Variants in COL25A1 observed in about 807,000 individuals in gnomAD.
The protein encoded by COL25A1 is collagen alpha-1(XXV) chain.
Under a neutral mutation model 128.4 loss-of-function variants are expected in COL25A1, and 103 were observed. The observed-to-expected ratio is 0.80, with a 90% CI of 0.68 to 0.94. The LOEUF (loss-of-function observed/expected upper bound fraction) is 0.94, where lower values mean the gene tolerates loss of function less well. Among genes scored for constraint, COL25A1 ranks in the 40% least tolerant of loss-of-function variants. The pLI is 0.00. For missense variants in COL25A1, 745 were observed against 840.0 expected (o/e 0.89, Z 1.40); for synonymous variants, 279 against 277.2 (o/e 1.01, Z -0.06).
intron 31 of COL25A1, among the ~76,000 whole-genome samples, chr4:108,835,787 C>T (rs905649534): frequency 1.3e-5 from 2 of 150,854 alleles, no homozygotes; most frequent in Non-Finnish European, 1.5e-5. Flanking sequence ...TCCTGATCTC[C>T]ACTGATCACT....
At chr4:109,113,053 T>C (rs1464644373) in intron 3 of COL25A1, among the ~76,000 whole-genome samples, 3 of 152,118 alleles carry the variant, frequency 2.0e-5, no homozygotes, top group African/African-American at 7.2e-5. Context: ...AGTTCTTCAA[T>C]TTCTTTGATA....
intron 26 of COL25A1, among the ~76,000 whole-genome samples, chr4:108,849,051 G>T (rs1735449803): frequency 6.6e-6 from 1 of 152,030 alleles, no homozygotes; most frequent in Non-Finnish European, 1.5e-5. Context: ...CTCCATGTGA[G>T]ATGCAGGCTA....
intron 3 of COL25A1, among the ~76,000 whole-genome samples, chr4:109,150,089 GTA>G (rs1478384287): frequency 2.6e-5 from 4 of 151,640 alleles, no homozygotes; most frequent in East Asian, 1.9e-4. Flanking sequence ...TTGTATGTCT[GTA>G]TGTGTGTGTG....
chr4:108,821,000 C>G (rs919420580), intron 35 of COL25A1, among the ~76,000 whole-genome samples: 3 of 152,122 alleles, frequency 2.0e-5, no homozygotes, highest in African/African-American at 7.2e-5. Context: ...ACTCAAAATA[C>G]TATACAATAC....
intron 8 of COL25A1, among the ~76,000 whole-genome samples, chr4:108,949,448 C>A (rs932010704): frequency 2.6e-5 from 4 of 152,056 alleles, no homozygotes; most frequent in Admixed American, 1.3e-4. Context: ...TCTTGCCCAC[C>A]CAATTGTAAG....
intron 3 of COL25A1, among the ~76,000 whole-genome samples, chr4:109,187,268 G>C (rs566957611): frequency 2.0e-5 from 3 of 150,548 alleles, no homozygotes; most frequent in Admixed American, 2.0e-4. Context: ...GACTTCTCCA[G>C]GTTTCTTTAC....
intron 3 of COL25A1, among the ~76,000 whole-genome samples, chr4:109,143,197 G>T (rs533421615): frequency 1.3e-5 from 2 of 152,308 alleles, no homozygotes; most frequent in South Asian, 2.1e-4. Context: ...ATTCTGGGTT[G>T]AAAATTCTTT....
chr4:109,041,578 G>A (rs1759900237), intron 5 of COL25A1, among the ~76,000 whole-genome samples: 1 of 152,064 alleles, frequency 6.6e-6, no homozygotes, highest in Admixed American at 6.5e-5. Flanking sequence ...TTAGGGCAGT[G>A]GAGACTGGCT....
intron 3 of COL25A1, among the ~76,000 whole-genome samples, chr4:109,165,878 G>C (rs1446841666): frequency 6.6e-6 from 1 of 152,138 alleles, no homozygotes; most frequent in East Asian, 1.9e-4. Flanking sequence ...AAGAAGGCTT[G>C]TACATAAACA....
intron 16 of COL25A1, 55 bp downstream of exon 16, chr4:108,896,612 T>C: frequency 3.4e-6 from 5 of 1,470,028 alleles, no homozygotes; most frequent in Non-Finnish European, 4.8e-6. Context: ...CTTCATAAAC[T>C]TGAAGTATAT....
At chr4:109,089,571 C>G (rs908026617) in intron 3 of COL25A1, among the ~76,000 whole-genome samples, 2 of 152,112 alleles carry the variant, frequency 1.3e-5, no homozygotes, top group African/African-American at 4.8e-5. Context: ...GCATATAGGA[C>G]AGTTACATCT....
At chr4:109,183,065 C>T (rs1774814910) in intron 3 of COL25A1, among the ~76,000 whole-genome samples, 1 of 152,122 alleles carries the variant, frequency 6.6e-6, no homozygotes, top group Admixed American at 6.6e-5. Flanking sequence ...AGCCTAGTTA[C>T]TTTAGTTACA....
chr4:109,251,872 A>G (rs760137144), intron 3 of COL25A1, among the ~76,000 whole-genome samples: 15 of 152,218 alleles, frequency 9.9e-5, no homozygotes, highest in Non-Finnish European at 2.2e-4. Context: ...GAGGATATAC[A>G]GTCTTTTAGG....
intron 3 of COL25A1, among the ~76,000 whole-genome samples, chr4:109,259,205 G>A (rs1382367153): frequency 6.6e-6 from 1 of 152,100 alleles, no homozygotes; most frequent in East Asian, 1.9e-4. Flanking sequence ...TCCCTCACAT[G>A]CAAGTAGTTT....
At chr4:109,015,093 GGA>G (rs1361823371) in intron 5 of COL25A1, among the ~76,000 whole-genome samples, 1 of 152,228 alleles carries the variant, frequency 6.6e-6, no homozygotes, top group Non-Finnish European at 1.5e-5. Flanking sequence ...GCTCTGAGCA[GGA>G]GCCATGGAAT....
chr4:109,050,545 T>C (rs1760890361), intron 3 of COL25A1, among the ~76,000 whole-genome samples: 1 of 152,172 alleles, frequency 6.6e-6, no homozygotes, highest in African/African-American at 2.4e-5. Flanking sequence ...ATTAAAGTAC[T>C]AATTAATAAT....
intron 3 of COL25A1, among the ~76,000 whole-genome samples, chr4:109,241,641 A>AT (rs397783993): frequency 6.6e-6 from 1 of 151,362 alleles, no homozygotes; most frequent in Non-Finnish European, 1.5e-5. Flanking sequence ...AAAAAAAAAA[A>AT]TTGCTTGAGG....
chr4:108,907,332 G>T (rs774006277), intron 13 of COL25A1, among the ~76,000 whole-genome samples: 4 of 152,168 alleles, frequency 2.6e-5, no homozygotes, highest in Non-Finnish European at 4.4e-5. Flanking sequence ...AGAGCCTGGG[G>T]CATTGCCGAC....
chr4:109,158,274 C>T (rs900997685), intron 3 of COL25A1, among the ~76,000 whole-genome samples: 1 of 151,156 alleles, frequency 6.6e-6, no homozygotes, highest in Admixed American at 6.6e-5. Flanking sequence ...TAATGTTTAC[C>T]AATCTGTGTG....
Sources: gnomAD v4.1 joint callset for allele counts (sites outside exome capture counted in the v4.1 genomes callset) on GRCh38, gnomAD v4.1.1 for gene constraint, MANE v1.5 for transcripts, NCBI Gene and HGNC (gene_info 2026-07-23, HGNC 2026-07-21) for gene names.